The following SCMH1 variants were observed in gnomAD, a reference collection of about 807,000 sequenced individuals.
SCMH1 encodes the protein polycomb protein SCMH1.
Under a neutral mutation model 70.8 loss-of-function variants are expected in SCMH1, and 37 were observed. That is an observed-to-expected ratio of 0.52 (90% confidence interval 0.40 to 0.69). The LOEUF is 0.69. SCMH1 is among the 30% of genes least tolerant of loss of function. SCMH1 has a pLI of 0.00. For synonymous variants in SCMH1, 292 were observed against 307.4 expected, an observed-to-expected ratio of 0.95 and a Z score of 0.52; for missense variants, 607 against 827.3, an observed-to-expected ratio of 0.73 and a Z score of 3.27.
chr1:41,082,187 T>A (rs1263131668), intron 8 of SCMH1, among the ~76,000 whole-genome samples: 1 of 151,676 alleles, frequency 6.6e-6, no homozygotes, highest in African/African-American at 2.4e-5. Context: ...ATATATGGCC[T>A]CATTAAAACA....
In SCMH1 at chr1:41,172,182, C is replaced by T. The variant is rs1183401706; in HGVS notation, c.14-10750G>A. On this transcript the variant is annotated intron_variant, in intron 2 of 14. Coordinates refer to ENST00000337495, the Ensembl canonical transcript of SCMH1. ...CCTGGGCGACAGAGCGAGACTCCATCTCAAAAAAAAAAAAAAAAACGCTGT... is the reference window on the plus strand; with the variant it reads ...CCTGGGCGACAGAGCGAGACTCCATTTCAAAAAAAAAAAAAAAAACGCTGT... 1.2e-4 allele frequency among the ~76,000 whole-genome samples: 14 copies of T among 112,840 alleles called. No homozygotes were observed. The East Asian group carries it at 4.4e-3, about 35-fold the overall frequency. The allele number at this position is 112,840 out of a possible 152,430, so 74.0% of individuals were successfully genotyped here. A position where few individuals can be genotyped will look rare whatever the true frequency, so the allele number is the denominator to read the frequency against.
At chr1:41,041,239 A>T (rs528095672) in intron 12 of SCMH1, 1 of 152,288 alleles carries the variant, frequency 6.6e-6, no homozygotes, top group South Asian at 2.1e-4. Flanking sequence ...TTAAAAAAAA[A>T]AAATCCCTCT....
intron 3 of SCMH1, 94 bp from the exon 4 acceptor site, chr1:41,160,992 T>C: frequency 8.1e-7 from 1 of 1,238,720 alleles, no homozygotes; most frequent in Non-Finnish European, 1.2e-6. Flanking sequence ...GGAAATCGAG[T>C]ATTTGTCTAG....
intron 8 of SCMH1, among the ~76,000 whole-genome samples, chr1:41,105,775 CCT>C (rs1161943605): frequency 1.3e-5 from 2 of 152,130 alleles, no homozygotes; most frequent in Admixed American, 1.3e-4. Flanking sequence ...AACTGGCATC[CCT>C]GACTCCAGCA....
Position 41,046,265 on chromosome 1 carries a change from T to A in SCMH1, c.1498+142A>T, listed in dbSNP as rs545907922. On this transcript the variant is annotated intron_variant, in intron 12 of 14. Transcript: ENST00000337495. Reference sequence around the variant, plus strand: ...AGAGGAGGCTGAGAAGTCTCAGATATGGCAAAGGTAAGGGACAGAAAAGCA... The same window carrying A: ...AGAGGAGGCTGAGAAGTCTCAGATAAGGCAAAGGTAAGGGACAGAAAAGCA... 53 of 642,216 alleles carry A rather than the reference T, an allele frequency of 8.3e-5. 1 individual carries two copies. The East Asian group carries it at 1.5e-3, about 18-fold the overall frequency. 39.8% of individuals were successfully genotyped at this position (642,216 alleles called of 1,614,324 possible). A position where few individuals can be genotyped will look rare whatever the true frequency, so the allele number is the denominator to read the frequency against.
At chr1:41,065,441 G>A (rs1436042469) in intron 10 of SCMH1, among the ~76,000 whole-genome samples, 1 of 152,222 alleles carries the variant, frequency 6.6e-6, no homozygotes, top group African/African-American at 2.4e-5. Flanking sequence ...CTGCACTTCA[G>A]CCTGGGCAAC....
At chr1:41,231,993 C>G (rs1041740184) in intron 1 of SCMH1, among the ~76,000 whole-genome samples, 4 of 147,712 alleles carry the variant, frequency 2.7e-5, no homozygotes, top group African/African-American at 7.5e-5. Context: ...CACCGCACAC[C>G]AGCCAGGGTG....
At chr1:41,037,336 G>A in intron 13 of SCMH1, 26 bp downstream of exon 13, 1 of 1,606,636 alleles carries the variant, frequency 6.2e-7, no homozygotes, top group Non-Finnish European at 8.5e-7. Flanking sequence ...GGGAGGGAAG[G>A]AGGGCCAGGA....
At chr1:41,109,896 A>T (rs1668843345) in intron 8 of SCMH1, among the ~76,000 whole-genome samples, 1 of 152,230 alleles carries the variant, frequency 6.6e-6, no homozygotes, top group South Asian at 2.1e-4. Flanking sequence ...CTCTAGATTT[A>T]TCAGTCAAAA....
chr1:41,188,846 GTGT>G lies in SCMH1; in HGVS notation c.-117-2599_-117-2597del, dbSNP rs1650949354. On this transcript the variant is annotated intron_variant, in intron 1 of 14. Transcript: ENST00000337495. ...AAGTGTTTACTACATGCCAGATATT[GTGT>G]TAAGTATTTCAAAGAACAGGAAGAG... is the stretch of plus-strand genomic sequence containing the variant. Among the ~76,000 whole-genome samples the G allele has an allele frequency of 2.6e-5, 4 of 152,124 alleles. No homozygotes were observed. In the South Asian group the frequency reaches 8.3e-4, roughly 32 times the overall value.
rs867769913 is a variant in SCMH1, at chr1:41,028,223, T to C, written c.1918A>G (p.Ile640Val). 3.3e-5 allele frequency: 54 copies of C among 1,613,938 alleles called. 1 individual carries two copies. The highest frequency in any genetic ancestry group is 4.4e-5 in the Non-Finnish European group (52 of 1,180,002). ...AACTTGCCCTGCTTCAGCCGGTCAATGTGGTAGGAGAGCTTGAGTGCAGGC... is the reference window on the plus strand; with the variant it reads ...AACTTGCCCTGCTTCAGCCGGTCAACGTGGTAGGAGAGCTTGAGTGCAGGC... Residue 640 changes from isoleucine to valine, a missense_variant, in exon 15 of 15, where the codon ATT becomes GTT. Physicochemically the swap from Ile to Val is conservative, Grantham distance 29 (BLOSUM62 3). Transcript: ENST00000337495.
At chr1:41,212,020 G>A (rs1051734709) in intron 1 of SCMH1, among the ~76,000 whole-genome samples, 6 of 152,174 alleles carry the variant, frequency 3.9e-5, no homozygotes, top group Non-Finnish European at 7.4e-5. Flanking sequence ...CTGTTGCGGG[G>A]TAGGGAGCTG....
At chr1:41,158,538 A>AG (rs1344812525) in intron 4 of SCMH1, among the ~76,000 whole-genome samples, 1 of 152,242 alleles carries the variant, frequency 6.6e-6, no homozygotes, top group African/African-American at 2.4e-5. Flanking sequence ...CCCAGACATG[A>AG]GAAAAAGCAG....
intron 12 of SCMH1, among the ~76,000 whole-genome samples, chr1:41,039,530 C>T (rs1197577860): frequency 6.6e-6 from 1 of 151,244 alleles, no homozygotes; most frequent in African/African-American, 2.4e-5. Flanking sequence ...GGCTGGAATA[C>T]AGTGGCACAA....
At chr1:41,181,859 A>G (rs1448125497) in intron 2 of SCMH1, among the ~76,000 whole-genome samples, 1 of 152,202 alleles carries the variant, frequency 6.6e-6, no homozygotes, top group Non-Finnish European at 1.5e-5. Flanking sequence ...GCATATACCC[A>G]AAGGATTATA....
intron 8 of SCMH1, among the ~76,000 whole-genome samples, chr1:41,091,567 TTCAATTAGGAAAAGAGGAAG>T (rs1177657119): frequency 6.6e-6 from 1 of 152,188 alleles, no homozygotes; most frequent in African/African-American, 2.4e-5. Flanking sequence ...ATAAAGGGTA[TTCAATTAGGAAAAGAGGAAG>T]TCAAATTGTC....
At chr1:41,173,792 T>C (rs1302552907) in intron 2 of SCMH1, among the ~76,000 whole-genome samples, 2 of 152,132 alleles carry the variant, frequency 1.3e-5, no homozygotes, top group African/African-American at 4.8e-5. Context: ...ATAAAAAGAA[T>C]GAAATTTTGT....
intron 12 of SCMH1, among the ~76,000 whole-genome samples, chr1:41,044,281 A>G (rs1193176496): frequency 1.3e-5 from 2 of 152,128 alleles, no homozygotes; most frequent in Non-Finnish European, 2.9e-5. Context: ...GCGTGTAGCC[A>G]GGCAGAAGGG....
intron 2 of SCMH1, among the ~76,000 whole-genome samples, chr1:41,175,931 A>G (rs1001339022): frequency 6.6e-6 from 1 of 152,052 alleles, no homozygotes; most frequent in African/African-American, 2.4e-5. Context: ...AAATTTTCAT[A>G]ATTAGAAAAC....
Sources: allele counts gnomAD v4.1 joint callset (sites outside exome capture counted in the v4.1 genomes callset), GRCh38; gene constraint gnomAD v4.1.1; transcripts MANE v1.5; gene names NCBI Gene and HGNC (gene_info 2026-07-23, HGNC 2026-07-21).